ERLIN1: variants seen among roughly 807,000 people sequenced by gnomAD.
ERLIN1 encodes the protein ER lipid raft associated 1.
Under a neutral mutation model 46.9 loss-of-function variants are expected in ERLIN1, and 24 were observed. The ratio of observed to expected loss-of-function variants is 0.51; its 90% CI spans 0.37 to 0.72. ERLIN1 has a LOEUF of 0.72. ERLIN1 is among the 30% of genes least tolerant of loss of function. The probability of loss-of-function intolerance (pLI) is 0.00; values close to 1 mark genes in which losing one functional copy is unlikely to be tolerated. For synonymous variants in ERLIN1, 158 were observed against 143.2 expected, an observed-to-expected ratio of 1.10 and a Z score of -0.74; for missense variants, 293 against 417.9, an observed-to-expected ratio of 0.70 and a Z score of 2.61.
At chr10:100,158,298 AAC>A (rs1365624717) in intron 8 of ERLIN1, among the ~76,000 whole-genome samples, 1 of 152,230 alleles carries the variant, frequency 6.6e-6, no homozygotes, top group Non-Finnish European at 1.5e-5. Flanking sequence ...TACAGACAGA[AAC>A]ATGTTAAAAG....
chr10:100,166,022 C>T (rs1329523418), intron 7 of ERLIN1, among the ~76,000 whole-genome samples: 1 of 152,156 alleles, frequency 6.6e-6, no homozygotes, highest in Non-Finnish European at 1.5e-5. Context: ...CACCACAGCC[C>T]GCCTATAAAT....
At chr10:100,178,055 T>G (rs1175233640) in intron 4 of ERLIN1, 78 bp downstream of exon 4, 5 of 951,380 alleles carry the variant, frequency 5.3e-6, no homozygotes, top group African/African-American at 1.7e-5. Flanking sequence ...CAAAGTACCC[T>G]TCTATTCCTC....
chr10:100,168,347 G>A (rs1225435062), intron 6 of ERLIN1, among the ~76,000 whole-genome samples: 2 of 152,140 alleles, frequency 1.3e-5, no homozygotes, highest in African/African-American at 4.8e-5. Context: ...TGAAATAGAT[G>A]AGTCAAATTT....
chr10:100,181,856 C>T (rs1484435335), intron 2 of ERLIN1, among the ~76,000 whole-genome samples: 1 of 152,130 alleles, frequency 6.6e-6, no homozygotes, highest in Non-Finnish European at 1.5e-5. Context: ...TAATTATTTC[C>T]TAGAATGTTA....
chr10:100,155,283 T>C (rs1288549691), intron 9 of ERLIN1, among the ~76,000 whole-genome samples: 1 of 152,078 alleles, frequency 6.6e-6, no homozygotes, highest in Non-Finnish European at 1.5e-5. Context: ...ATTTACTGCA[T>C]TGTCTCCAGC....
intron 8 of ERLIN1, among the ~76,000 whole-genome samples, chr10:100,157,000 G>A (rs1248411309): frequency 6.6e-6 from 1 of 152,178 alleles, no homozygotes; most frequent in Non-Finnish European, 1.5e-5. Flanking sequence ...GCGTGACAGA[G>A]TGAGGCCCTG....
At chr10:100,162,573 G>A (rs57138590) in intron 8 of ERLIN1, among the ~76,000 whole-genome samples, 7,440 of 152,218 alleles carry the variant, frequency 0.049, 600 homozygotes, top group African/African-American at 0.17. Context: ...TTCTAGAGCA[G>A]TGCTTCTCAA....
intron 8 of ERLIN1, among the ~76,000 whole-genome samples, chr10:100,160,306 T>C (rs1843295877): frequency 1.3e-5 from 2 of 152,160 alleles, no homozygotes; most frequent in African/African-American, 4.8e-5. Flanking sequence ...AGATGGCTTT[T>C]ACGAGTTCCA....
intron 10 of ERLIN1, 151 bp downstream of exon 10, chr10:100,154,709 T>C (rs1011187185): frequency 1.5e-6 from 1 of 646,180 alleles, no homozygotes; most frequent in South Asian, 1.9e-5. Context: ...ATGTGAAATA[T>C]TTCTTGCTAA....
chr10:100,174,067 A>G (rs988159473), intron 6 of ERLIN1, 141 bp downstream of exon 6: 2 of 622,286 alleles, frequency 3.2e-6, no homozygotes, highest in Non-Finnish European at 5.7e-6. Flanking sequence ...TTTGGCAGAG[A>G]TCTAAAGTCA....
At position 100,164,013 on chromosome 10, in the gene ERLIN1, C is replaced by A. The variant is rs1404257546; in HGVS notation, c.646G>T (p.Ala216Ser). 2 of 1,607,562 alleles carry A rather than the reference C, an allele frequency of 1.2e-6. No individual in the cohort carries two copies. The highest frequency in any genetic ancestry group is 3.3e-4 in the Middle Eastern group (2 of 6,048). Residue 216 changes from alanine (A) to serine (S), a missense_variant, in exon 8 of 11, where the codon GCA (alanine) becomes TCA (serine). Physicochemically the swap from Ala to Ser is moderately conservative, Grantham distance 99. Transcript: ENST00000421367. ...EKEAETERKK[A>S]VIEAEKIAQV... is the part of the protein sequence containing the mutation. ...AGAGAAATCCAAGTACCTATAACTGCCTTTTTCCTCTCTGTCTCAGCTTCT... is the reference window on the plus strand; with the variant it reads ...AGAGAAATCCAAGTACCTATAACTGACTTTTTCCTCTCTGTCTCAGCTTCT...
intron 2 of ERLIN1, among the ~76,000 whole-genome samples, chr10:100,179,686 G>A (rs1034227142): frequency 3.3e-5 from 5 of 152,018 alleles, no homozygotes; most frequent in African/African-American, 1.2e-4. Context: ...TGAACTCCTG[G>A]CCTCAAGTGA....
chr10:100,183,870 T>C, intron 1 of ERLIN1, 33 bp from the exon 2 acceptor site: 1 of 1,477,102 alleles, frequency 6.8e-7, no homozygotes, highest in Non-Finnish European at 9.5e-7. Flanking sequence ...GACAAAATTA[T>C]AAAAAGAAAA....
chr10:100,159,264 A>G (rs1843230071), intron 8 of ERLIN1, among the ~76,000 whole-genome samples: 1 of 152,194 alleles, frequency 6.6e-6, no homozygotes, highest in Admixed American at 6.5e-5. Flanking sequence ...GTTCTTAATG[A>G]TATAGTCCCA....
intron 6 of ERLIN1, among the ~76,000 whole-genome samples, chr10:100,168,826 T>C (rs965914690): frequency 1.3e-5 from 2 of 152,010 alleles, no homozygotes; most frequent in African/African-American, 4.8e-5. Context: ...ATTACAGGCA[T>C]GCGCCACCAA....
intron 8 of ERLIN1, among the ~76,000 whole-genome samples, chr10:100,156,570 CAA>C (rs1181453474): frequency 6.6e-6 from 1 of 152,052 alleles, no homozygotes; most frequent in East Asian, 1.9e-4. Context: ...AAAAACAGAG[CAA>C]CATAAATGCA....
chr10:100,180,868 ATAAT>A (rs1214854368), intron 2 of ERLIN1, among the ~76,000 whole-genome samples: 2 of 152,226 alleles, frequency 1.3e-5, no homozygotes, highest in Non-Finnish European at 2.9e-5. Context: ...GGGAGGCTAA[ATAAT>A]TAATTTATTT....
chr10:100,159,245 AACCTGAATGTTCTT>A (rs1261636298), intron 8 of ERLIN1, among the ~76,000 whole-genome samples: 1 of 152,182 alleles, frequency 6.6e-6, no homozygotes, highest in Non-Finnish European at 1.5e-5. Context: ...AACAATCCTG[AACCTGAATGTTCTT>A]AATGATATAG....
At chr10:100,181,930 T>G (rs767265850) in intron 2 of ERLIN1, among the ~76,000 whole-genome samples, 1 of 152,214 alleles carries the variant, frequency 6.6e-6, no homozygotes, top group African/African-American at 2.4e-5. Flanking sequence ...CATGTAAAAC[T>G]TTTTTGTAGA....
Sources: gnomAD v4.1 joint callset for allele counts (sites outside exome capture counted in the v4.1 genomes callset) on GRCh38, gnomAD v4.1.1 for gene constraint, MANE v1.5 for transcripts, NCBI Gene and HGNC (gene_info 2026-07-23, HGNC 2026-07-21) for gene names.